KMT2B: variants seen among roughly 807,000 people sequenced by gnomAD.
KMT2B encodes the protein histone-lysine N-methyltransferase 2B.
A neutral mutation model predicts 255.3 loss-of-function variants in KMT2B; 22 were observed. The observed-to-expected ratio is 0.09, with a 90% CI of 0.06 to 0.12. The LOEUF is 0.12. KMT2B is among the 10% of genes least tolerant of loss of function. KMT2B has a pLI of 1.00. For missense variants in KMT2B, 3,149 were observed against 3,737.0 expected (o/e 0.84, Z 4.10); for synonymous variants, 1,730 against 1,498.1 (o/e 1.15, Z -3.57).
At chr19:35,726,190 C>G (rs764833489) in intron 13 of KMT2B, 46 bp from the exon 14 acceptor site, 35 of 1,447,542 alleles carry the variant, frequency 2.4e-5, no homozygotes, top group South Asian at 2.2e-4. Context: ...TCATGTTGCT[C>G]CAGTCCAGTG....
intron 9 of KMT2B, 99 bp downstream of exon 9, chr19:35,724,830 G>T (rs1969369122): frequency 2.5e-6 from 3 of 1,220,244 alleles, no homozygotes; most frequent in South Asian, 1.3e-5. Context: ...CCACATGAGA[G>T]GACAGGCCCT....
chr19:35,721,219 C>G lies in KMT2B; in HGVS notation c.1872C>G (p.Ala624=). 2 of 1,472,416 alleles carry G rather than the reference C, an allele frequency of 1.4e-6. No homozygotes were observed. Among genetic ancestry groups the G allele is most frequent in the Non-Finnish European group, 1.8e-6 (2 of 1,090,038 alleles). The allele number at this position is 1,472,416 out of a possible 1,614,324, so 91.2% of individuals were successfully genotyped here. The change falls in exon 3 of 37, where the codon GCC becomes GCG. Residue 624 remains alanine (A), a synonymous_variant. Transcript: ENST00000420124. ...LTRELPPPPP[A]PPPPPAPSPP... ...GGGAGCTGCCCCCTCCTCCCCCAGC[C>G]CCTCCACCTCCCCCGGCCCCCTCCC...
chr19:35,722,307 G>A, intron 3 of KMT2B, 52 bp from the exon 4 acceptor site: 1 of 1,527,892 alleles, frequency 6.5e-7, no homozygotes. Flanking sequence ...CCAGCTCCCT[G>A]TCCCTATCTT....
At chr19:35,721,895 C>T (rs1200051053) in intron 3 of KMT2B, 91 bp downstream of exon 3, 55 of 1,434,698 alleles carry the variant, frequency 3.8e-5, no homozygotes, top group Non-Finnish European at 4.8e-5. Context: ...TGGACACTTT[C>T]CAGCATTGCG....
At position 35,737,307 on chromosome 19, in the gene KMT2B, G is replaced by A; in HGVS notation, c.7550+44G>A. 1 of 1,450,474 alleles carries A rather than the reference G, an allele frequency of 6.9e-7. No homozygotes were observed. Among genetic ancestry groups the A allele is most frequent in the East Asian group, 2.5e-5 (1 of 40,262 alleles). The allele number at this position is 1,450,474 out of a possible 1,614,324, so 89.9% of individuals were successfully genotyped here. On this transcript the variant is annotated intron_variant, in intron 33 of 36. Coordinates refer to ENST00000420124, the MANE Select transcript of KMT2B (RefSeq NM_014727.3). The surrounding 1 kb of genome is among the most constrained non-coding windows in gnomAD (Gnocchi z 5.3). ...GATGCCTGGGTCAGGGCGCCCCTAT[G>A]AGAGCTCTTGAGGGTGGGAGTTAAC... is the stretch of plus-strand genomic sequence containing the variant.
In KMT2B at chr19:35,736,755, C is replaced by A. The variant is rs368495518; in HGVS notation, c.7225C>A (p.Arg2409=). 1 of 1,613,860 alleles carries A rather than the reference C, an allele frequency of 6.2e-7. No individual in the cohort carries two copies. The highest frequency in any genetic ancestry group is 8.5e-7 in the Non-Finnish European group (1 of 1,179,874). Reference sequence around the variant, plus strand: ...TGATAAAGAGAACCAGGCCCCAAAACGGACTGGCCCACATCTGCGCTTCGA... The same window carrying A: ...TGATAAAGAGAACCAGGCCCCAAAAAGGACTGGCCCACATCTGCGCTTCGA... ...PDDKENQAPK[R]TGPHLRFEIS... Residue 2409 remains arginine, a synonymous_variant, in exon 31 of 37, where the codon CGG becomes AGG. Transcript: ENST00000420124.
intron 21 of KMT2B, 41 bp from the exon 22 acceptor site, chr19:35,729,118 C>G: frequency 6.2e-7 from 1 of 1,613,958 alleles, no homozygotes; most frequent in South Asian, 1.1e-5. Context: ...GGGGCCTGTT[C>G]CCTGGCCTCC....
chr19:35,726,476 C>G lies in KMT2B; in HGVS notation c.4003+123C>G. The G allele has an allele frequency of 8.7e-6, 6 of 693,098 alleles. No homozygotes were observed. The Admixed American group carries it at 1.1e-4, about 13-fold the overall frequency. The allele number at this position is 693,098 out of a possible 1,614,324, so 42.9% of individuals were successfully genotyped here. A position where few individuals can be genotyped will look rare whatever the true frequency, so the allele number is the denominator to read the frequency against. On this transcript the variant is annotated intron_variant, in intron 14 of 36. Transcript: ENST00000420124. ...CCACCTTGTAGCTATGGGACTATCT[C>G]TTCAACTCAGGGAACTCTTCCACAG...
intron 23 of KMT2B, 75 bp from the exon 24 acceptor site, chr19:35,730,267 C>A (rs1338753707): frequency 1.9e-6 from 3 of 1,602,616 alleles, no homozygotes; most frequent in Non-Finnish European, 2.6e-6. Flanking sequence ...GGCCAAGCCC[C>A]TGACTGTTCA....
chr19:35,737,305 A>T lies in KMT2B; in HGVS notation c.7550+42A>T, dbSNP rs200965702. On this transcript the variant is annotated intron_variant, in intron 33 of 36. Transcript: ENST00000420124. The surrounding 1 kb of genome is among the most constrained non-coding windows in gnomAD (Gnocchi z 5.3). ...GTGATGCCTGGGTCAGGGCGCCCCT[A>T]TGAGAGCTCTTGAGGGTGGGAGTTA... 110 of 1,455,820 alleles carry T rather than the reference A, an allele frequency of 7.6e-5. 1 individual carries two copies. The South Asian group carries it at 1.5e-3, about 20-fold the overall frequency. The allele number at this position is 1,455,820 out of a possible 1,614,324, so 90.2% of individuals were successfully genotyped here. A position where few individuals can be genotyped will look rare whatever the true frequency, so the allele number is the denominator to read the frequency against.
chr19:35,723,686 T>C lies in KMT2B; in HGVS notation c.3059-46T>C, dbSNP rs1732227297. On this transcript the variant is annotated intron_variant, in intron 7 of 36. Coordinates refer to ENST00000420124, the MANE Select transcript of KMT2B (RefSeq NM_014727.3). This position sits in a 1 kb window ranked among gnomAD's most constrained non-coding sequence, Gnocchi z 7.5. The stretch of plus-strand genomic sequence containing the variant: ...TTCTGGCTTCTCTCCCAGTGTCCCA[T>C]GTCCCTGGCTGAGCTCAAATCCTAC... 2 of 1,481,020 alleles carry C rather than the reference T, an allele frequency of 1.4e-6. No homozygotes were observed. The highest frequency in any genetic ancestry group is 9.1e-7 in the Non-Finnish European group (1 of 1,102,218). The allele number at this position is 1,481,020 out of a possible 1,614,324, so 91.7% of individuals were successfully genotyped here.
chr19:35,729,647 C>G (rs953202831), intron 22 of KMT2B, among the ~76,000 whole-genome samples: 1 of 152,126 alleles, frequency 6.6e-6, no homozygotes, highest in Non-Finnish European at 1.5e-5. Flanking sequence ...AGAGAGACCT[C>G]AGGCACTCTC....
At chr19:35,724,101 C>A in intron 8 of KMT2B, 94 bp downstream of exon 8, 1 of 1,260,448 alleles carries the variant, frequency 7.9e-7, no homozygotes, top group Non-Finnish European at 1.1e-6. Flanking sequence ...AGGGCTCTGT[C>A]AGTCTGATAG....
rs757621209 is a variant in KMT2B, at chr19:35,730,140, T to G, written c.5076+15T>G. On this transcript the variant is annotated intron_variant, in intron 23 of 36. Transcript: ENST00000420124. ...TGGATGGCAAGGTGGGCCAGAACTG[T>G]GGGGTACACGGTTCCTTCCCCACCT... is the stretch of plus-strand genomic sequence containing the variant. The G allele has an allele frequency of 2.5e-6, 4 of 1,613,438 alleles. No homozygotes were observed. The highest frequency in any genetic ancestry group is 1.7e-5 in the Admixed American group (1 of 59,932).
At chr19:35,722,939 G>GGTA in intron 5 of KMT2B, 56 bp from the exon 6 acceptor site, 1 of 1,477,696 alleles carries the variant, frequency 6.8e-7, no homozygotes, top group Non-Finnish European at 9.0e-7. Flanking sequence ...AGGGAAGTGA[G>GGTA]GTAGAAGCCT....
At chr19:35,734,067 G>A (rs768953484) in intron 30 of KMT2B, among the ~76,000 whole-genome samples, 195 bp downstream of exon 30, 25 of 152,144 alleles carry the variant, frequency 1.6e-4, no homozygotes, top group Non-Finnish European at 2.9e-4. Context: ...ATGACATTTC[G>A]CCTCTACGTG....
intron 3 of KMT2B, 123 bp from the exon 4 acceptor site, chr19:35,722,236 C>T: frequency 1.0e-6 from 1 of 1,002,892 alleles, no homozygotes; most frequent in South Asian, 1.7e-5. Flanking sequence ...AACTCCTGAC[C>T]TCGTGATCTG....
At position 35,726,491 on chromosome 19, in the gene KMT2B, C is replaced by G. The variant is rs180924308; in HGVS notation, c.4003+138C>G. ...GGGACTATCTCTTCAACTCAGGGAA[C>G]TCTTCCACAGGAGTCCATCCAGTAT... On this transcript the variant is annotated intron_variant, in intron 14 of 36. Coordinates refer to ENST00000420124, the MANE Select transcript of KMT2B (RefSeq NM_014727.3). 264 of 663,752 alleles carry G rather than the reference C, an allele frequency of 4.0e-4. No individual in the cohort carries two copies. In the African/African-American group the frequency reaches 4.1e-3, roughly 10 times the overall value. 41.1% of individuals were successfully genotyped at this position (663,752 alleles called of 1,614,324 possible). A position where few individuals can be genotyped will look rare whatever the true frequency, so the allele number is the denominator to read the frequency against.
In KMT2B at chr19:35,719,828, C is replaced by T. The variant is rs1462079716; in HGVS notation, c.481C>T (p.Leu161Phe). The T allele has an allele frequency of 2.5e-6, 4 of 1,611,086 alleles. No homozygotes were observed. Among genetic ancestry groups the T allele is most frequent in the East Asian group, 2.2e-5 (1 of 44,826 alleles). Residue 161 changes from leucine (L) to phenylalanine (F), a missense_variant, in exon 3 of 37, where the codon CTT becomes TTT. Physicochemically the swap from Leu to Phe is conservative, Grantham distance 22. Coordinates refer to ENST00000420124, the MANE Select transcript of KMT2B (RefSeq NM_014727.3). ...GGGTCGCAAGCATAAGACGACCCCC[C>T]TTCCTCCTCCTCGCCTAGCAGATGT... is the stretch of plus-strand genomic sequence containing the variant. ...GRGRKHKTTP[L>F]PPPRLADVAP... is the part of the protein sequence containing the mutation.
Sources: allele counts gnomAD v4.1 joint callset (sites outside exome capture counted in the v4.1 genomes callset), GRCh38; gene constraint gnomAD v4.1.1; non-coding constraint Gnocchi (gnomAD v3.1); transcripts MANE v1.5; gene names NCBI Gene and HGNC (gene_info 2026-07-23, HGNC 2026-07-21).